Variants in NRG1 observed in about 807,000 individuals in gnomAD.
The protein encoded by NRG1 is neuregulin 1.
NRG1 carries 18 observed loss-of-function variants against 63.8 expected under a neutral mutation model. That is an observed-to-expected ratio of 0.28 (90% CI 0.19 to 0.42). NRG1 has a LOEUF of 0.42. Among genes scored for constraint, NRG1 ranks in the 10% least tolerant of loss-of-function variants. The pLI is 1.00. For missense variants in NRG1, 762 were observed against 814.7 expected (o/e 0.94, Z 0.79); for synonymous variants, 302 against 301.3 (o/e 1.00, Z -0.02).
In NRG1 at chr8:32,197,208, C is replaced by A. The variant is rs568183478; in HGVS notation, c.38-398620C>A. Among the ~76,000 whole-genome samples the A allele has an allele frequency of 8.6e-5, 13 of 151,914 alleles. No homozygotes were observed. In the South Asian group the frequency reaches 2.7e-3, roughly 32 times the overall value. On this transcript the variant is annotated intron_variant, in intron 1 of 10. Transcript: ENST00000519301. Reference sequence around the variant, plus strand: ...AACACCTGACCTCAGGTGATCTGCCCGCCTCGGCCTCCCAAAGTGCTGGGA... The same window carrying A: ...AACACCTGACCTCAGGTGATCTGCCAGCCTCGGCCTCCCAAAGTGCTGGGA...
intron 1 of NRG1, among the ~76,000 whole-genome samples, chr8:32,104,159 A>G (rs979425123): frequency 6.6e-6 from 1 of 152,182 alleles, no homozygotes; most frequent in Non-Finnish European, 1.5e-5. Flanking sequence ...GACATACTAC[A>G]TACTAGGCTT....
chr8:32,049,155 T>C (rs935352819), intron 1 of NRG1, among the ~76,000 whole-genome samples: 1 of 152,164 alleles, frequency 6.6e-6, no homozygotes, highest in Non-Finnish European at 1.5e-5. Flanking sequence ...AAATATTTGC[T>C]CAGCTTTGAT....
At chr8:32,233,224 C>T (rs1279452945) in intron 1 of NRG1, among the ~76,000 whole-genome samples, 1 of 151,952 alleles carries the variant, frequency 6.6e-6, no homozygotes. Context: ...ACTTCAGCCT[C>T]CCCAGTAGCT....
intron 5 of NRG1, among the ~76,000 whole-genome samples, chr8:32,617,732 G>A (rs996933390): frequency 3.3e-5 from 5 of 151,970 alleles, no homozygotes; most frequent in African/African-American, 9.7e-5. Flanking sequence ...ATTCTATTTC[G>A]ATCTGGGGAG....
At chr8:32,726,736 G>T (rs982002407) in intron 5 of NRG1, among the ~76,000 whole-genome samples, 3 of 151,994 alleles carry the variant, frequency 2.0e-5, no homozygotes, top group Non-Finnish European at 4.4e-5. Flanking sequence ...AACAGGAAAG[G>T]CAGAAGAAAA....
chr8:32,429,347 C>T (rs1817837331), intron 1 of NRG1, among the ~76,000 whole-genome samples: 1 of 152,114 alleles, frequency 6.6e-6, no homozygotes, highest in African/African-American at 2.4e-5. Flanking sequence ...TTTCCTAGGA[C>T]CAAGTCTTGG....
chr8:32,298,714 CAAAA>C (rs760147959), intron 1 of NRG1, among the ~76,000 whole-genome samples: 3 of 90,972 alleles, frequency 3.3e-5, no homozygotes, highest in Non-Finnish European at 4.3e-5. Flanking sequence ...AACTCAGTCT[CAAAA>C]AAAAAAAAAA....
At chr8:31,792,063 G>T (rs1249429177) in intron 1 of NRG1, among the ~76,000 whole-genome samples, 1 of 152,070 alleles carries the variant, frequency 6.6e-6, no homozygotes, top group Non-Finnish European at 1.5e-5. Context: ...AGCTTTGTAG[G>T]ATTTTGGGAG....
At chr8:31,747,992 T>C (rs1410193629) in intron 1 of NRG1, among the ~76,000 whole-genome samples, 1 of 152,002 alleles carries the variant, frequency 6.6e-6, no homozygotes, top group African/African-American at 2.4e-5. Flanking sequence ...TTGACTTCAA[T>C]ACTATCTATC....
At chr8:32,529,082 A>T (rs979119360) in intron 1 of NRG1, among the ~76,000 whole-genome samples, 1 of 152,206 alleles carries the variant, frequency 6.6e-6, no homozygotes, top group Non-Finnish European at 1.5e-5. Flanking sequence ...ACAAACCTAG[A>T]TGGTATAGTT....
intron 6 of NRG1, among the ~76,000 whole-genome samples, chr8:32,741,609 C>A (rs150326199): frequency 2.0e-5 from 3 of 152,156 alleles, no homozygotes; most frequent in Admixed American, 6.5e-5. Context: ...AGCTCAAGAT[C>A]ATTTATTGAT....
At chr8:32,595,500 C>T (rs375640792) in intron 1 of NRG1, among the ~76,000 whole-genome samples, 1 of 152,030 alleles carries the variant, frequency 6.6e-6, no homozygotes, top group East Asian at 1.9e-4. Context: ...ACATACGCTC[C>T]TTTAACACAG....
chr8:32,084,977 A>G (rs183131314), intron 1 of NRG1, among the ~76,000 whole-genome samples: 1 of 152,354 alleles, frequency 6.6e-6, no homozygotes, highest in East Asian at 1.9e-4. Context: ...CAGACAAGAT[A>G]GTGAATGACA....
chr8:32,081,123 A>G (rs1243625587), intron 1 of NRG1, among the ~76,000 whole-genome samples: 1 of 152,134 alleles, frequency 6.6e-6, no homozygotes, highest in Non-Finnish European at 1.5e-5. Flanking sequence ...AAATATTCAG[A>G]ATAACGTTTG....
intron 1 of NRG1, among the ~76,000 whole-genome samples, chr8:32,167,421 G>T (rs1322234261): frequency 6.6e-6 from 1 of 152,112 alleles, no homozygotes; most frequent in Admixed American, 6.5e-5. Context: ...AACATACGGG[G>T]TTGATGAACA....
chr8:31,886,146 G>C (rs1161827238), intron 1 of NRG1, among the ~76,000 whole-genome samples: 2 of 152,088 alleles, frequency 1.3e-5, no homozygotes, highest in African/African-American at 4.8e-5. Flanking sequence ...CATGTCCAGA[G>C]TTAATTGAAC....
chr8:32,315,178 C>G (rs1249654205), intron 1 of NRG1, among the ~76,000 whole-genome samples: 2 of 152,172 alleles, frequency 1.3e-5, no homozygotes, highest in Non-Finnish European at 2.9e-5. Context: ...CCCCTATCAA[C>G]CCTTCACCTA....
chr8:31,953,647 G>A (rs1051244907), intron 1 of NRG1, among the ~76,000 whole-genome samples: 15 of 152,110 alleles, frequency 9.9e-5, no homozygotes, highest in Non-Finnish European at 2.1e-4. Context: ...AGTCTACTTG[G>A]CAATATATAA....
intron 1 of NRG1, among the ~76,000 whole-genome samples, chr8:32,003,001 T>G (rs1414004230): frequency 6.6e-6 from 1 of 152,020 alleles, no homozygotes; most frequent in Non-Finnish European, 1.5e-5. Context: ...CTGAACAAAA[T>G]TTTTAACCCA....
Sources: allele counts gnomAD v4.1 joint callset (sites outside exome capture counted in the v4.1 genomes callset), GRCh38; gene constraint gnomAD v4.1.1; transcripts MANE v1.5; gene names NCBI Gene and HGNC (gene_info 2026-07-23, HGNC 2026-07-21).